The following SHISA8 variants were observed in gnomAD, a reference collection of about 807,000 sequenced individuals.
SHISA8 encodes the protein shisa family member 8, also known as protein shisa-8.
A neutral mutation model predicts 21.1 loss-of-function variants in SHISA8; 21 were observed. That is an observed-to-expected ratio of 0.99 (90% CI 0.71 to 1.43). The LOEUF is 1.43. SHISA8 is among the 40% of genes most tolerant of loss of function. The pLI is 0.00. For synonymous variants in SHISA8, 300 were observed against 291.4 expected (o/e 1.03, Z -0.30); for missense variants, 535 against 599.1 (o/e 0.89, Z 1.12).
rs746704885 is a variant in SHISA8, at chr22:41,911,236, C to T, written c.644G>A (p.Gly215Asp). 3.7e-4 allele frequency: 469 copies of T among 1,281,038 alleles called. No individual in the cohort carries two copies. The highest frequency in any genetic ancestry group is 4.5e-4 in the Non-Finnish European group (454 of 1,014,478). 79.4% of individuals were successfully genotyped at this position (1,281,038 alleles called of 1,614,324 possible). A position where few individuals can be genotyped will look rare whatever the true frequency, so the allele number is the denominator to read the frequency against. ...CTCACCTGCGCTGTTGTGGGGGGAG[C>T]CCCGGGGGAGGCCGTCCCCCATCTG... ...QVQMGDGLPR[G>D]SPHNSADKKR... Residue 215 changes from glycine to aspartate, a missense_variant, in exon 2 of 4, where the codon GGC (glycine) becomes GAC (aspartate). By Grantham distance (94) the Gly-to-Asp change is moderately conservative. Coordinates refer to ENST00000621082, the MANE Select transcript of SHISA8 (RefSeq NM_001207020.3).
chr22:41,911,366 CA>C lies in SHISA8; in HGVS notation c.531-18del, dbSNP rs2077552645. On this transcript the variant is annotated intron_variant, in intron 1 of 3. Transcript: ENST00000621082. ...GTCAGCGCCCTGCGGGGACAGCAGT[CA>C]GGGGTGGCCCTCTGTCTCCCACCTC... 1.6e-6 allele frequency: 2 copies of C among 1,237,602 alleles called. No homozygotes were observed. Among genetic ancestry groups the C allele is most frequent in the African/African-American group, 1.6e-5 (1 of 64,502 alleles). 76.7% of individuals were successfully genotyped at this position (1,237,602 alleles called of 1,614,324 possible).
Position 41,913,620 on chromosome 22 carries a change from G to T in SHISA8, c.530+518C>A, listed in dbSNP as rs898806029. 3.3e-5 allele frequency among the ~76,000 whole-genome samples: 5 copies of T among 152,190 alleles called. No individual in the cohort carries two copies. In the East Asian group the frequency reaches 7.7e-4, roughly 23 times the overall value. On this transcript the variant is annotated intron_variant, in intron 1 of 3. Coordinates refer to ENST00000621082, the MANE Select transcript of SHISA8 (RefSeq NM_001207020.3). ...CTGGGAGCTGTGGCATGGGGTGAGTGGGGGGAGGCCTTTGAAACCCAAGGA... is the reference window on the plus strand; with the variant it reads ...CTGGGAGCTGTGGCATGGGGTGAGTTGGGGGAGGCCTTTGAAACCCAAGGA...
chr22:41,914,419 G>A lies in SHISA8; in HGVS notation c.249C>T (p.Phe83=). Residue 83 remains phenylalanine (F), a synonymous_variant, in exon 1 of 4, where the codon TTC becomes TTT. Coordinates refer to ENST00000621082, the MANE Select transcript of SHISA8 (RefSeq NM_001207020.3). This position sits in a 1 kb window ranked among gnomAD's most constrained non-coding sequence, Gnocchi z 6.8. ...AGCGGTAGCCGCACGTGCCGCAGCAGAAGCTGTAGGCTCCGGAGCTGCAGT... is the reference window on the plus strand; with the variant it reads ...AGCGGTAGCCGCACGTGCCGCAGCAAAAGCTGTAGGCTCCGGAGCTGCAGT... ...PFNCSSGAYS[F]CCGTCGYRFC... is the part of the protein sequence containing the mutation. The A allele has an allele frequency of 7.4e-7, 1 of 1,351,754 alleles. No homozygotes were observed. The highest frequency in any genetic ancestry group is 9.5e-7 in the Non-Finnish European group (1 of 1,048,874). 83.7% of individuals were successfully genotyped at this position (1,351,754 alleles called of 1,614,324 possible).
intron 1 of SHISA8, among the ~76,000 whole-genome samples, chr22:41,912,503 C>G (rs1331338792): frequency 6.6e-6 from 1 of 152,184 alleles, no homozygotes; most frequent in Non-Finnish European, 1.5e-5. Flanking sequence ...CATCTCTGGG[C>G]AAGCACCTCA....
intron 1 of SHISA8, among the ~76,000 whole-genome samples, chr22:41,912,270 C>G (rs2077557783): frequency 6.6e-6 from 1 of 152,234 alleles, no homozygotes; most frequent in Admixed American, 6.5e-5. Context: ...AGCCCAGCTG[C>G]CTTCAGAACC....
Position 41,910,605 on chromosome 22 carries a change from C to T in SHISA8, c.665-51G>A. ...CGGTCCGATGCCCCGGTTCACTCCG[C>T]CCTCGCTGTCACCTCTCCGTAGTCC... On this transcript the variant is annotated intron_variant, in intron 2 of 3. Coordinates refer to ENST00000621082, the MANE Select transcript of SHISA8 (RefSeq NM_001207020.3). This position sits in a 1 kb window ranked among gnomAD's most constrained non-coding sequence, Gnocchi z 6.8. 7 of 1,216,266 alleles carry T rather than the reference C, an allele frequency of 5.8e-6. No homozygotes were observed. The highest frequency in any genetic ancestry group is 7.2e-6 in the Non-Finnish European group (7 of 977,338). 75.3% of individuals were successfully genotyped at this position (1,216,266 alleles called of 1,614,324 possible). A position where few individuals can be genotyped will look rare whatever the true frequency, so the allele number is the denominator to read the frequency against.
chr22:41,910,441 C>A lies in SHISA8; in HGVS notation c.778G>T (p.Ala260Ser), dbSNP rs1328912081. The A allele has an allele frequency of 1.5e-6, 2 of 1,354,786 alleles. No homozygotes were observed. Among genetic ancestry groups the A allele is most frequent in the Non-Finnish European group, 1.9e-6 (2 of 1,054,320 alleles). The allele number at this position is 1,354,786 out of a possible 1,614,324, so 83.9% of individuals were successfully genotyped here. A position where few individuals can be genotyped will look rare whatever the true frequency, so the allele number is the denominator to read the frequency against. The change falls in exon 3 of 4, where the codon GCC (alanine) becomes TCC (serine). Residue 260 changes from alanine (A) to serine (S), a missense_variant. Ala to Ser is a moderately conservative substitution (Grantham distance 99). Coordinates refer to ENST00000621082, the MANE Select transcript of SHISA8 (RefSeq NM_001207020.3). This position sits in a 1 kb window ranked among gnomAD's most constrained non-coding sequence, Gnocchi z 6.8. Reference sequence around the variant, plus strand: ...TTGAGCGCGGCGGCCTTGAACGTGGCGTACTTGGCGTAGTCTGGCTGCAGC... The same window carrying A: ...TTGAGCGCGGCGGCCTTGAACGTGGAGTACTTGGCGTAGTCTGGCTGCAGC... ...LTLQPDYAKY[A>S]TFKAAALKAA...
In SHISA8 at chr22:41,910,354, G is replaced by C. The variant is rs979962558; in HGVS notation, c.811+54C>G. On this transcript the variant is annotated intron_variant, in intron 3 of 3. Transcript: ENST00000621082. This position sits in a 1 kb window ranked among gnomAD's most constrained non-coding sequence, Gnocchi z 6.8. ...TGGAGCTGCGGCCCCGCGCTTCGCA[G>C]TCCGGGAGCTCGTGCGCCCAGGTGC... 7.9e-7 allele frequency: 1 copy of C among 1,265,574 alleles called. No homozygotes were observed. Among genetic ancestry groups the C allele is most frequent in the African/African-American group, 1.6e-5 (1 of 63,952 alleles). The allele number at this position is 1,265,574 out of a possible 1,614,324, so 78.4% of individuals were successfully genotyped here.
chr22:41,915,067 C>G lies in SHISA8; in HGVS notation c.-400G>C, dbSNP rs528545073. ...TTCCCGCCGCGCTCTCAGTACAGCC[C>G]GCGCTCTGGCTCCGGCTCCGGCTCC... is the stretch of plus-strand genomic sequence containing the variant. On this transcript the variant is annotated 5_prime_UTR_variant, in exon 1 of 4. Coordinates refer to ENST00000621082, the MANE Select transcript of SHISA8 (RefSeq NM_001207020.3). The surrounding 1 kb of genome is among the most constrained non-coding windows in gnomAD (Gnocchi z 5.0). 7.3e-4 allele frequency among the ~76,000 whole-genome samples: 108 copies of G among 148,654 alleles called. No homozygotes were observed. The highest frequency in any genetic ancestry group is 1.4e-3 in the Non-Finnish European group (97 of 67,644).
chr22:41,914,789 G>A lies in SHISA8; in HGVS notation c.-122C>T. 1.3e-6 allele frequency: 1 copy of A among 758,248 alleles called. No individual in the cohort carries two copies. Among genetic ancestry groups the A allele is most frequent in the Non-Finnish European group, 1.6e-6 (1 of 621,612 alleles). 47.0% of individuals were successfully genotyped at this position (758,248 alleles called of 1,614,324 possible). On this transcript the variant is annotated 5_prime_UTR_variant, in exon 1 of 4. Coordinates refer to ENST00000621082, the MANE Select transcript of SHISA8 (RefSeq NM_001207020.3). The surrounding 1 kb of genome is among the most constrained non-coding windows in gnomAD (Gnocchi z 6.8). ...CCCGGCGCACGCCGCCTCGGCCGTC[G>A]GCCTCCTCTGGGGACCCCAGCCCCG... is the stretch of plus-strand genomic sequence containing the variant.
In SHISA8 at chr22:41,911,205, C is replaced by A. The variant is rs888688843; in HGVS notation, c.664+11G>T. 2.4e-6 allele frequency: 3 copies of A among 1,274,028 alleles called. No individual in the cohort carries two copies. The highest frequency in any genetic ancestry group is 2.0e-6 in the Non-Finnish European group (2 of 1,012,382). 78.9% of individuals were successfully genotyped at this position (1,274,028 alleles called of 1,614,324 possible). On this transcript the variant is annotated intron_variant, in intron 2 of 3. Transcript: ENST00000621082. ...TCCGCCGCCGCTCAGCCCCGCCCGC[C>A]ACCGACTCACCTGCGCTGTTGTGGG...
chr22:41,914,239 G>A lies in SHISA8; in HGVS notation c.429C>T (p.Tyr143=), dbSNP rs1033379921. Residue 143 remains tyrosine (Y), a synonymous_variant, in exon 1 of 4, where the codon TAC becomes TAT. Transcript: ENST00000621082. The surrounding 1 kb of genome is among the most constrained non-coding windows in gnomAD (Gnocchi z 6.8). ...PGRERSHTAV[Y]AVCGVAALLV... The stretch of plus-strand genomic sequence containing the variant: ...GCAGCGCTGCGACGCCGCACACAGC[G>A]TAGACGGCCGTATGGCTGCGCTCGC... 1.0e-4 allele frequency: 144 copies of A among 1,393,110 alleles called. No homozygotes were observed. In the Middle Eastern group the frequency reaches 1.3e-3, roughly 12 times the overall value. The allele number at this position is 1,393,110 out of a possible 1,614,324, so 86.3% of individuals were successfully genotyped here.
rs1466057170 is a variant in SHISA8 at position 41,910,793 on chromosome 22, C to T, written c.665-239G>A. ...GCCCGGGGGGTGCCACCCTCATGAA[C>T]GGCTCGCCCGGAGGCGACGCTCGAG... On this transcript the variant is annotated intron_variant, in intron 2 of 3. Coordinates refer to ENST00000621082, the MANE Select transcript of SHISA8 (RefSeq NM_001207020.3). This position sits in a 1 kb window ranked among gnomAD's most constrained non-coding sequence, Gnocchi z 6.8. Among the ~76,000 whole-genome samples, 4 of 152,096 alleles carry T rather than the reference C, an allele frequency of 2.6e-5. No homozygotes were observed.
intron 1 of SHISA8, among the ~76,000 whole-genome samples, chr22:41,913,262 A>G (rs545337536): frequency 6.6e-6 from 1 of 152,362 alleles, no homozygotes; most frequent in East Asian, 1.9e-4. Context: ...AGGCTTCTCT[A>G]TGGTCACTTT....
At position 41,914,957 on chromosome 22, in the gene SHISA8, C is replaced by A. The variant is rs559859450; in HGVS notation, c.-290G>T. On this transcript the variant is annotated 5_prime_UTR_variant, in exon 1 of 4. Transcript: ENST00000621082. This position sits in a 1 kb window ranked among gnomAD's most constrained non-coding sequence, Gnocchi z 6.8. ...CGGGTCCTCGCCTGCGCGCGGCCCC[C>A]GGCTTCTCCCCGGCCCGGCAGGTGT... Among the ~76,000 whole-genome samples the A allele has an allele frequency of 5.1e-4, 77 of 151,772 alleles. 1 individual carries two copies. Among genetic ancestry groups the A allele is most frequent in the Admixed American group, 2.3e-3 (35 of 15,254 alleles).
chr22:41,913,457 A>T (rs1378301390), intron 1 of SHISA8, among the ~76,000 whole-genome samples: 1 of 152,202 alleles, frequency 6.6e-6, no homozygotes, highest in African/African-American at 2.4e-5. Context: ...CCTCGTTCCA[A>T]CCGAGGAAGG....
intron 1 of SHISA8, 143 bp downstream of exon 1, chr22:41,913,995 G>T: frequency 1.2e-6 from 1 of 853,138 alleles, no homozygotes; most frequent in East Asian, 3.5e-5. Context: ...GTGTTGGGGG[G>T]GCGGCGGGGG....
rs2077575705 is a variant in SHISA8, at chr22:41,914,669, G to C, written c.-2C>G. 4 of 1,015,424 alleles carry C rather than the reference G, an allele frequency of 3.9e-6. No homozygotes were observed. Among genetic ancestry groups the C allele is most frequent in the Middle Eastern group, 4.8e-4 (1 of 2,064 alleles). The allele number at this position is 1,015,424 out of a possible 1,614,324, so 62.9% of individuals were successfully genotyped here. ...TCCCCGCGCCCCGGCCCGCGCCATCGGGCCCGCGCCTCCCGCTACTGCGCC... is the reference window on the plus strand; with the variant it reads ...TCCCCGCGCCCCGGCCCGCGCCATCCGGCCCGCGCCTCCCGCTACTGCGCC... On this transcript the variant is annotated 5_prime_UTR_variant, in exon 1 of 4. Transcript: ENST00000621082. This position sits in a 1 kb window ranked among gnomAD's most constrained non-coding sequence, Gnocchi z 6.8.
At position 41,914,470 on chromosome 22, in the gene SHISA8, C is replaced by T; in HGVS notation, c.198G>A (p.Val66=). The change falls in exon 1 of 4, where the codon GTG becomes GTA. Residue 66 remains valine, a synonymous_variant. Coordinates refer to ENST00000621082, the MANE Select transcript of SHISA8 (RefSeq NM_001207020.3). This position sits in a 1 kb window ranked among gnomAD's most constrained non-coding sequence, Gnocchi z 6.8. ...GGDRCRGYYD[V]MGQWDPPFNC... ...TGAAGGGCGGGTCCCACTGGCCCATCACGTCGTAGTAGCCGCGGCAGCGGT... is the reference window on the plus strand; with the variant it reads ...TGAAGGGCGGGTCCCACTGGCCCATTACGTCGTAGTAGCCGCGGCAGCGGT... The T allele has an allele frequency of 7.5e-7, 1 of 1,336,216 alleles. No homozygotes were observed. Among genetic ancestry groups the T allele is most frequent in the Non-Finnish European group, 9.6e-7 (1 of 1,039,838 alleles). The allele number at this position is 1,336,216 out of a possible 1,614,324, so 82.8% of individuals were successfully genotyped here.
Sources: gnomAD v4.1 joint callset for allele counts (sites outside exome capture counted in the v4.1 genomes callset) on GRCh38, gnomAD v4.1.1 for gene constraint, Gnocchi (gnomAD v3.1) non-coding constraint, MANE v1.5 for transcripts, NCBI Gene and HGNC (gene_info 2026-07-23, HGNC 2026-07-21) for gene names.